SIRPB1: variants seen among roughly 807,000 people sequenced by gnomAD.
SIRPB1 encodes the protein signal-regulatory protein beta-1.
Under a neutral mutation model 34.1 loss-of-function variants are expected in SIRPB1, and 28 were observed. That is an observed-to-expected ratio of 0.82 (90% CI 0.61 to 1.12). The LOEUF (loss-of-function observed/expected upper bound fraction) is 1.12, where lower values mean the gene tolerates loss of function less well. Ranked by LOEUF, SIRPB1 falls within the 50% of genes most tolerant of loss-of-function variation. SIRPB1 has a pLI of 0.00. For missense variants in SIRPB1, 499 were observed against 507.0 expected (o/e 0.98, Z 0.15); for synonymous variants, 211 against 203.8 (o/e 1.04, Z -0.30).
Position 1,592,520 on chromosome 20 carries a change from A to G in SIRPB1, c.77-13826T>C, listed in dbSNP as rs1384405100. On this transcript the variant is annotated intron_variant, in intron 1 of 5. Transcript: ENST00000381605. Reference sequence around the variant, plus strand: ...TAGTAGTATGAGAATGGACTAATACAGTGCCCTCTTCTCCTTCAGAGTAAA... The same window carrying G: ...TAGTAGTATGAGAATGGACTAATACGGTGCCCTCTTCTCCTTCAGAGTAAA... Among the ~76,000 whole-genome samples, 3 of 48,462 alleles carry G rather than the reference A, an allele frequency of 6.2e-5. 1 individual carries two copies. The highest frequency in any genetic ancestry group is 1.2e-4 in the Non-Finnish European group (3 of 25,286). The allele number at this position is 48,462 out of a possible 152,430, so 31.8% of individuals were successfully genotyped here.
Position 1,610,906 on chromosome 20 carries a change from T to C in SIRPB1, c.76+8963A>G. Among the ~76,000 whole-genome samples the C allele has an allele frequency of 2.7e-5, 2 of 73,198 alleles. 1 individual carries two copies. The highest frequency in any genetic ancestry group is 5.2e-5 in the Non-Finnish European group (2 of 38,788). 48.0% of individuals were successfully genotyped at this position (73,198 alleles called of 152,430 possible). ...AGCTTTGGGCTGTTTCATTCACTGC[T>C]GTTTGCACAGCATCTAGGGCAGAGC... On this transcript the variant is annotated intron_variant, in intron 1 of 5. Transcript: ENST00000381605.
chr20:1,568,393 C>A (rs2091173111), intron 4 of SIRPB1, among the ~76,000 whole-genome samples: 1 of 152,278 alleles, frequency 6.6e-6, no homozygotes, highest in Non-Finnish European at 1.5e-5. Context: ...CCAGACTTAG[C>A]ATATGTGCCA....
At chr20:1,567,931 G>A (rs1399324754) in intron 4 of SIRPB1, among the ~76,000 whole-genome samples, 1 of 152,228 alleles carries the variant, frequency 6.6e-6, no homozygotes, top group South Asian at 2.1e-4. Context: ...AGAAGGAATA[G>A]AGAATTGGGT....
rs1007160089 is a variant in SIRPB1 at position 1,563,682 on chromosome 20, A to G, written c.*1818T>C. ...GGGAGGCCTCAGGAAACTTACAACC[A>G]TGGTGGAAGGAGAAAAGGAAGCAGG... is the stretch of plus-strand genomic sequence containing the variant. On this transcript the variant is annotated 3_prime_UTR_variant, in exon 6 of 6. Coordinates refer to ENST00000381605, the MANE Select transcript of SIRPB1 (RefSeq NM_006065.5). 2.0e-5 allele frequency: 3 copies of G among 152,084 alleles called. No homozygotes were observed. Among genetic ancestry groups the G allele is most frequent in the African/African-American group, 7.2e-5 (3 of 41,388 alleles). The allele number at this position is 152,084 out of a possible 1,614,324, so 9.4% of individuals were successfully genotyped here.
chr20:1,571,104 A>C lies in SIRPB1; in HGVS notation c.785T>G (p.Met262Arg), dbSNP rs780249101. 7.4e-6 allele frequency: 12 copies of C among 1,613,856 alleles called. No individual in the cohort carries two copies. Among genetic ancestry groups the C allele is most frequent in the Non-Finnish European group, 4.2e-6 (5 of 1,179,906 alleles). Residue 262 changes from methionine (M) to arginine (R), a missense_variant, in exon 4 of 6, where the codon ATG (methionine) becomes AGG (arginine). By Grantham distance (91) the Met-to-Arg change is moderately conservative. Transcript: ENST00000381605. The part of the protein sequence containing the change: ...PPTLEVTQQP[M>R]RAENQANVTC... ...GACGTTTGCCTGGTTCTCTGCCCTC[A>C]TGGGCTGTTGAGTAACCTCCAAGGT...
In SIRPB1 at chr20:1,571,987, C is replaced by T. The variant is rs559780117; in HGVS notation, c.484G>A (p.Glu162Lys). The T allele has an allele frequency of 6.2e-7, 1 of 1,613,972 alleles. No homozygotes were observed. The highest frequency in any genetic ancestry group is 1.1e-5 in the South Asian group (1 of 91,074). ...VSGPAVRATP[E>K]HTVSFTCESH... is the part of the protein sequence containing the mutation. Reference sequence around the variant, plus strand: ...TCGCAGGTGAAGCTCACTGTGTGCTCAGGTGTGGCCCTCACCGCAGGGCCC... The same window carrying T: ...TCGCAGGTGAAGCTCACTGTGTGCTTAGGTGTGGCCCTCACCGCAGGGCCC... The change falls in exon 3 of 6, where the codon GAG (glutamate) becomes AAG (lysine). Residue 162 changes from glutamate (E) to lysine (K), a missense_variant. Glu to Lys is a moderately conservative substitution (Grantham distance 56). Transcript: ENST00000381605.
In SIRPB1 at chr20:1,561,890, G is replaced by A. The variant is rs1373063094; in HGVS notation, c.*3610C>T. Among the ~76,000 whole-genome samples, 1 of 152,170 alleles carries A rather than the reference G, an allele frequency of 6.6e-6. No homozygotes were observed. Among genetic ancestry groups the A allele is most frequent in the African/African-American group, 2.4e-5 (1 of 41,440 alleles). ...CCCACACTTCAGGAGTGGAAGTTATGTTCCACCTCCTTTAGAGTGGAGTGT... is the reference window on the plus strand; with the variant it reads ...CCCACACTTCAGGAGTGGAAGTTATATTCCACCTCCTTTAGAGTGGAGTGT... On this transcript the variant is annotated 3_prime_UTR_variant, in exon 6 of 6. Coordinates refer to ENST00000381605, the MANE Select transcript of SIRPB1 (RefSeq NM_006065.5).
At chr20:1,580,640 G>T (rs12480824) in intron 1 of SIRPB1, among the ~76,000 whole-genome samples, 1 of 49,022 alleles carries the variant, frequency 2.0e-5, no homozygotes, top group Admixed American at 1.4e-4. Flanking sequence ...ACTGAGGTGT[G>T]GGTGGAAAAT....
rs147405398 is a variant in SIRPB1, at chr20:1,570,975, T to C, written c.914A>G (p.Lys305Arg). Residue 305 changes from lysine to arginine, a missense_variant, in exon 4 of 6, where the codon AAG becomes AGG. Lys to Arg is a conservative substitution (Grantham distance 26). Coordinates refer to ENST00000381605, the MANE Select transcript of SIRPB1 (RefSeq NM_006065.5). ...GCTCATCCAGTTGTAGGTGCCATCC[T>C]TGTTCTCTATGAGGGTCGAAGCTGT... The part of the protein sequence containing the change: ...TETASTLIEN[K>R]DGTYNWMSWL... 4.4e-5 allele frequency: 71 copies of C among 1,614,154 alleles called. No homozygotes were observed. In the African/African-American group the frequency reaches 7.7e-4, roughly 18 times the overall value.
rs1415505804 is a variant in SIRPB1, at chr20:1,562,836, A to G, written c.*2664T>C. ...CATTTTACAGAAATGAATAATTGAA[A>G]GAGGAATTTTGCAACCAAGATGAAA... is the stretch of plus-strand genomic sequence containing the variant. On this transcript the variant is annotated 3_prime_UTR_variant, in exon 6 of 6. Coordinates refer to ENST00000381605, the MANE Select transcript of SIRPB1 (RefSeq NM_006065.5). 2.0e-5 allele frequency among the ~76,000 whole-genome samples: 3 copies of G among 152,232 alleles called. No individual in the cohort carries two copies. The highest frequency in any genetic ancestry group is 7.2e-5 in the African/African-American group (3 of 41,462).
intron 1 of SIRPB1, among the ~76,000 whole-genome samples, chr20:1,615,259 T>G (rs183851699): frequency 2.3e-4 from 35 of 152,336 alleles, no homozygotes; most frequent in Non-Finnish European, 1.2e-4. Context: ...CCACTCATGA[T>G]GGCCAGACAT....
chr20:1,578,494 A>C lies in SIRPB1; in HGVS notation c.277T>G (p.Ser93Ala). 1 of 1,583,994 alleles carries C rather than the reference A, an allele frequency of 6.3e-7. No homozygotes were observed. The highest frequency in any genetic ancestry group is 1.7e-5 in the Admixed American group (1 of 59,326). ...AGGTTGTTTCTCTTTGTGAGTTCTG[A>C]AACAGTTGTTACCCGTGGGAAGTGG... ...EGHFPRVTTVSELTKRNNLDF... is the reference protein window; with the variant it reads ...EGHFPRVTTVAELTKRNNLDF... The change falls in exon 2 of 6, where the codon TCA (serine) becomes GCA (alanine). Residue 93 changes from serine (S) to alanine (A), a missense_variant. Coordinates refer to ENST00000381605, the MANE Select transcript of SIRPB1 (RefSeq NM_006065.5).
intron 4 of SIRPB1, among the ~76,000 whole-genome samples, chr20:1,566,797 CCTT>C: frequency 6.6e-6 from 1 of 152,174 alleles, no homozygotes; most frequent in East Asian, 1.9e-4. Flanking sequence ...TGCATGCTGC[CCTT>C]CTTAGCCCCA....
At chr20:1,616,697 C>T (rs909428591) in intron 1 of SIRPB1, among the ~76,000 whole-genome samples, 35 of 152,030 alleles carry the variant, frequency 2.3e-4, no homozygotes, top group African/African-American at 6.0e-4. Flanking sequence ...AATAGACAAA[C>T]GGCATTACAA....
intron 1 of SIRPB1, among the ~76,000 whole-genome samples, chr20:1,593,492 T>G (rs1318771542): frequency 2.0e-5 from 1 of 49,442 alleles, no homozygotes; most frequent in Non-Finnish European, 3.9e-5. Flanking sequence ...TGGCATTTCT[T>G]AAAGCAGTAG....
At chr20:1,569,462 G>A (rs2091192805) in intron 4 of SIRPB1, among the ~76,000 whole-genome samples, 1 of 152,242 alleles carries the variant, frequency 6.6e-6, no homozygotes, top group Non-Finnish European at 1.5e-5. Flanking sequence ...ATGTGCAACT[G>A]CAGGTGCATG....
rs775427196 is a variant in SIRPB1, at chr20:1,571,711, G to A, written c.751+9C>T. On this transcript the variant is annotated intron_variant, in intron 3 of 5. Transcript: ENST00000381605. ...GTGTGGGCTTGGGCTGGGTGTGAGG[G>A]TCTTCTACCTCGGATGGCCTCAGAC... is the stretch of plus-strand genomic sequence containing the variant. The A allele has an allele frequency of 6.2e-7, 1 of 1,614,142 alleles. No individual in the cohort carries two copies. The highest frequency in any genetic ancestry group is 1.7e-5 in the Admixed American group (1 of 60,024).
intron 2 of SIRPB1, among the ~76,000 whole-genome samples, chr20:1,577,916 GCA>G (rs1273527803): frequency 6.8e-6 from 1 of 147,916 alleles, no homozygotes; most frequent in African/African-American, 2.5e-5. Context: ...GCAGAGCCTG[GCA>G]CACAGTGGGG....
intron 4 of SIRPB1, 53 bp from the exon 5 acceptor site, chr20:1,566,320 C>T: frequency 8.6e-7 from 1 of 1,165,202 alleles, no homozygotes; most frequent in Non-Finnish European, 1.2e-6. Context: ...GGGAGCTCAT[C>T]CCAGGGGCCT....
Sources: allele counts gnomAD v4.1 joint callset (sites outside exome capture counted in the v4.1 genomes callset), GRCh38; gene constraint gnomAD v4.1.1; transcripts MANE v1.5; gene names NCBI Gene and HGNC (gene_info 2026-07-23, HGNC 2026-07-21).